BICD1: variants seen among roughly 807,000 people sequenced by gnomAD.
BICD1 encodes the protein protein bicaudal D homolog 1.
Under a neutral mutation model 92.5 loss-of-function variants are expected in BICD1, and 35 were observed. The ratio of observed to expected loss-of-function variants is 0.38; its 90% confidence interval spans 0.29 to 0.50. The LOEUF (loss-of-function observed/expected upper bound fraction) is 0.50. Among genes scored for constraint, BICD1 ranks in the 20% least tolerant of loss-of-function variants. The pLI, the probability that BICD1 is intolerant of heterozygous loss-of-function variation, is 0.93. For synonymous variants in BICD1, 429 were observed against 465.1 expected, an observed-to-expected ratio of 0.92 and a Z score of 1.00; for missense variants, 950 against 1,189.8, an observed-to-expected ratio of 0.80 and a Z score of 2.97.
chr12:32,110,370 A>G (rs1300759150), intron 1 of BICD1, among the ~76,000 whole-genome samples: 1 of 152,220 alleles, frequency 6.6e-6, no homozygotes, highest in Non-Finnish European at 1.5e-5. Context: ...ACTGTAATTC[A>G]GCTCACAGAA....
At chr12:32,150,469 A>G (rs572247158) in intron 1 of BICD1, among the ~76,000 whole-genome samples, 18 of 129,452 alleles carry the variant, frequency 1.4e-4, no homozygotes, top group African/African-American at 5.5e-4. Context: ...TCAATTTTAG[A>G]GAGACAAGTG....
At chr12:32,267,135 G>T (rs1179579398) in intron 2 of BICD1, among the ~76,000 whole-genome samples, 1 of 152,120 alleles carries the variant, frequency 6.6e-6, no homozygotes, top group Non-Finnish European at 1.5e-5. Context: ...CTCTCTGATA[G>T]GTGTTACCAT....
intron 3 of BICD1, among the ~76,000 whole-genome samples, chr12:32,305,027 A>AAACC (rs144086838): frequency 0.15 from 23,163 of 152,024 alleles, 2,103 homozygotes; most frequent in African/African-American, 0.24. Flanking sequence ...CTCTCAAAAC[A>AAACC]AACCAACCAA....
chr12:32,342,925 T>C (rs2136289441), intron 8 of BICD1, among the ~76,000 whole-genome samples: 1 of 152,318 alleles, frequency 6.6e-6, no homozygotes, highest in African/African-American at 2.4e-5. Context: ...ATTAATGCAT[T>C]ATACTGATCG....
chr12:32,322,549 G>A (rs997443846), intron 4 of BICD1, among the ~76,000 whole-genome samples: 3 of 152,196 alleles, frequency 2.0e-5, no homozygotes, highest in African/African-American at 7.2e-5. Context: ...TTGCTCGCCT[G>A]CCACTCACCT....
intron 2 of BICD1, among the ~76,000 whole-genome samples, chr12:32,226,319 G>C (rs1270542827): frequency 6.6e-6 from 1 of 151,960 alleles, no homozygotes; most frequent in Non-Finnish European, 1.5e-5. Context: ...ATTTTTAGTA[G>C]AGACAGGGTT....
At chr12:32,278,694 A>G (rs1331535660) in intron 2 of BICD1, among the ~76,000 whole-genome samples, 1 of 152,092 alleles carries the variant, frequency 6.6e-6, no homozygotes, top group Non-Finnish European at 1.5e-5. Flanking sequence ...TCTACTAAAA[A>G]TACAAAAAAA....
intron 1 of BICD1, among the ~76,000 whole-genome samples, chr12:32,204,959 A>G (rs1945006868): frequency 6.6e-6 from 1 of 152,208 alleles, no homozygotes; most frequent in African/African-American, 2.4e-5. Flanking sequence ...AAAAGCAGAT[A>G]TCATGAAAAT....
chr12:32,169,180 C>T (rs548735340), intron 1 of BICD1, among the ~76,000 whole-genome samples: 1 of 151,724 alleles, frequency 6.6e-6, no homozygotes, highest in African/African-American at 2.4e-5. Flanking sequence ...GTACCTGGAA[C>T]GGTTAATTAT....
intron 1 of BICD1, among the ~76,000 whole-genome samples, chr12:32,134,646 G>A (rs896405754): frequency 6.6e-6 from 1 of 152,190 alleles, no homozygotes; most frequent in East Asian, 1.9e-4. Context: ...TCAGCACCGC[G>A]ACTCTGTCAT....
intron 1 of BICD1, among the ~76,000 whole-genome samples, chr12:32,131,787 C>T (rs772604277): frequency 2.0e-5 from 3 of 152,188 alleles, no homozygotes; most frequent in Non-Finnish European, 4.4e-5. Context: ...TTGGTATACC[C>T]CAGCCATTGT....
At chr12:32,176,968 T>C (rs1944106959) in intron 1 of BICD1, among the ~76,000 whole-genome samples, 1 of 151,578 alleles carries the variant, frequency 6.6e-6, no homozygotes, top group South Asian at 2.1e-4. Context: ...TAGTTATATG[T>C]TACTTACTGT....
In BICD1 at chr12:32,225,621, GTT is replaced by G. The variant is rs58895470; in HGVS notation, c.426+9181_426+9182del. On this transcript the variant is annotated intron_variant, in intron 2 of 9. Coordinates refer to ENST00000652176, the MANE Select transcript of BICD1 (RefSeq NM_001714.4). ...TGGTATTTGACAGTTCTTTTTTTCT[GTT>G]TTTTTTTTTTTTTTTTTTAGACGGA... Among the ~76,000 whole-genome samples, 430 of 92,778 alleles carry G rather than the reference GTT, an allele frequency of 4.6e-3. 7 individuals are homozygous for G. The highest frequency in any genetic ancestry group is 0.013 in the African/African-American group (345 of 27,400). 60.9% of individuals were successfully genotyped at this position (92,778 alleles called of 152,430 possible).
At chr12:32,236,069 T>C (rs1946063116) in intron 2 of BICD1, among the ~76,000 whole-genome samples, 1 of 151,928 alleles carries the variant, frequency 6.6e-6, no homozygotes, top group Non-Finnish European at 1.5e-5. Context: ...CTATTGTAAT[T>C]GTTTGGGGAT....
At chr12:32,161,923 A>C (rs1044136188) in intron 1 of BICD1, among the ~76,000 whole-genome samples, 2 of 152,182 alleles carry the variant, frequency 1.3e-5, no homozygotes, top group Non-Finnish European at 2.9e-5. Context: ...TTAGAGTTAT[A>C]CCAACACTGC....
In BICD1 at chr12:32,327,816, A is replaced by G. The variant is rs199959255; in HGVS notation, c.1361A>G (p.Lys454Arg). 1.1e-5 allele frequency: 18 copies of G among 1,614,048 alleles called. No individual in the cohort carries two copies. Among genetic ancestry groups the G allele is most frequent in the Non-Finnish European group, 1.3e-5 (15 of 1,180,036 alleles). Residue 454 changes from lysine to arginine, a missense_variant, in exon 5 of 10, where the codon AAG becomes AGG. Transcript: ENST00000652176. ...SVENYTDEKA[K>R]YESKIQMYDE... The stretch of plus-strand genomic sequence containing the variant: ...GAAAACTACACTGATGAGAAGGCCA[A>G]GTATGAGAGTAAAATCCAGATGTAT...
chr12:32,320,043 C>T (rs1454850785), intron 4 of BICD1, among the ~76,000 whole-genome samples: 1 of 152,094 alleles, frequency 6.6e-6, no homozygotes, highest in Non-Finnish European at 1.5e-5. Flanking sequence ...TTTGTTCTAT[C>T]TTGATCTTTT....
chr12:32,173,328 G>A lies in BICD1; in HGVS notation c.214-42919G>A, dbSNP rs1166491060. On this transcript the variant is annotated intron_variant, in intron 1 of 9. Transcript: ENST00000652176. ...GCCTCCCAAAGTGCCGGGATTACAG[G>A]CCTGAGCCACCGTGCCCGGCCCAGG... Among the ~76,000 whole-genome samples, 4 of 152,156 alleles carry A rather than the reference G, an allele frequency of 2.6e-5. No homozygotes were observed. The South Asian group carries it at 8.3e-4, about 31-fold the overall frequency.
intron 1 of BICD1, among the ~76,000 whole-genome samples, chr12:32,194,752 G>A (rs779733582): frequency 4.0e-5 from 6 of 151,854 alleles, no homozygotes; most frequent in African/African-American, 9.7e-5. Context: ...GCGTGGTGGC[G>A]CATGCCTGTA....
Sources: gnomAD v4.1 joint callset for allele counts (sites outside exome capture counted in the v4.1 genomes callset) on GRCh38, gnomAD v4.1.1 for gene constraint, MANE v1.5 for transcripts, NCBI Gene and HGNC (gene_info 2026-07-23, HGNC 2026-07-21) for gene names.